Variants in TMTC1 observed in about 807,000 individuals in gnomAD.
The protein encoded by TMTC1 is protein O-mannosyl-transferase TMTC1.
A neutral mutation model predicts 104.8 loss-of-function variants in TMTC1; 73 were observed. The ratio of observed to expected loss-of-function variants is 0.70; its 90% confidence interval spans 0.58 to 0.85. TMTC1 has a LOEUF of 0.85. Ranked by LOEUF, TMTC1 falls within the 40% of genes least tolerant of loss-of-function variation. The probability of loss-of-function intolerance (pLI) is 0.00; values close to 1 mark genes in which losing one functional copy is unlikely to be tolerated. For synonymous variants in TMTC1, 434 were observed against 428.7 expected (o/e 1.01, Z -0.15); for missense variants, 1,035 against 1,096.1 (o/e 0.94, Z 0.79).
chr12:29,692,032 T>C (rs1413530418), intron 5 of TMTC1, among the ~76,000 whole-genome samples: 1 of 145,256 alleles, frequency 6.9e-6, no homozygotes, highest in Non-Finnish European at 1.5e-5. Context: ...CATGAGCACA[T>C]TGTGATATAA....
chr12:29,685,195 A>C (rs540469587), intron 5 of TMTC1, among the ~76,000 whole-genome samples: 1 of 152,194 alleles, frequency 6.6e-6, no homozygotes, highest in African/African-American at 2.4e-5. Context: ...AAATAAATTA[A>C]CCAGAGCTAT....
chr12:29,685,341 C>A (rs1381878902), intron 5 of TMTC1, among the ~76,000 whole-genome samples: 1 of 151,104 alleles, frequency 6.6e-6, no homozygotes, highest in Non-Finnish European at 1.5e-5. Flanking sequence ...GCATACTATC[C>A]TTTGTTACCA....
rs542199865 is a variant in TMTC1, at chr12:29,748,793, A to C, written c.938+2873T>G. ...GGTTTGGAAGAGCTGACAAAGTTTT[A>C]GGAATTTTACAAGTCGCTTACTTAA... On this transcript the variant is annotated intron_variant, in intron 5 of 17. Coordinates refer to ENST00000539277, the MANE Select transcript of TMTC1 (RefSeq NM_001193451.2). 3.9e-3 allele frequency among the ~76,000 whole-genome samples: 595 copies of C among 152,354 alleles called. 1 individual carries two copies. Among genetic ancestry groups the C allele is most frequent in the Non-Finnish European group, 7.6e-3 (520 of 68,040 alleles).
intron 2 of TMTC1, 96 bp downstream of exon 2, chr12:29,767,802 A>G (rs1592032152): frequency 8.6e-7 from 1 of 1,156,094 alleles, no homozygotes; most frequent in African/African-American, 1.6e-5. Context: ...ATATACACAC[A>G]TATTTACATG....
chr12:29,514,071 T>A (rs958304380), intron 16 of TMTC1, among the ~76,000 whole-genome samples: 2 of 152,102 alleles, frequency 1.3e-5, no homozygotes, highest in African/African-American at 4.8e-5. Flanking sequence ...AAAGACTGTA[T>A]CTTGGTGGAT....
chr12:29,723,984 C>T (rs1487864862), intron 5 of TMTC1, among the ~76,000 whole-genome samples: 1 of 152,072 alleles, frequency 6.6e-6, no homozygotes, highest in Non-Finnish European at 1.5e-5. Flanking sequence ...ACAATATGAA[C>T]ATTTTCATGA....
chr12:29,712,420 G>A (rs1010095871), intron 5 of TMTC1, among the ~76,000 whole-genome samples: 18 of 152,176 alleles, frequency 1.2e-4, no homozygotes, highest in Non-Finnish European at 2.4e-4. Flanking sequence ...GTCCCTTTAC[G>A]CTAAAATATT....
At chr12:29,650,251 A>G (rs549710686) in intron 5 of TMTC1, among the ~76,000 whole-genome samples, 2 of 151,898 alleles carry the variant, frequency 1.3e-5, no homozygotes, top group South Asian at 4.2e-4. Context: ...TGCCTGGCTA[A>G]TGTTTGTATT....
intron 5 of TMTC1, among the ~76,000 whole-genome samples, chr12:29,744,538 T>C (rs923108981): frequency 2.0e-5 from 3 of 152,232 alleles, no homozygotes; most frequent in African/African-American, 7.2e-5. Context: ...TGATCCACTT[T>C]AGTGCTGAGC....
In TMTC1 at chr12:29,572,199, G is replaced by A. The variant is rs756306520; in HGVS notation, c.1438C>T (p.Pro480Ser). ...SLFRSGVQTL[P>S]HNAKVHYNYA... The stretch of plus-strand genomic sequence containing the variant: ...TTGTAGTGAACCTTGGCATTGTGGG[G>A]CAGAGTTTGAACTCCAGACCTAAAA... The change falls in exon 9 of 18, where the codon CCC becomes TCC. Residue 480 changes from proline to serine, a missense_variant. Coordinates refer to ENST00000539277, the MANE Select transcript of TMTC1 (RefSeq NM_001193451.2). 2 of 1,613,812 alleles carry A rather than the reference G, an allele frequency of 1.2e-6. No homozygotes were observed. The highest frequency in any genetic ancestry group is 1.3e-5 in the African/African-American group (1 of 75,022).
At chr12:29,691,213 C>G (rs184200422) in intron 5 of TMTC1, among the ~76,000 whole-genome samples, 2 of 152,146 alleles carry the variant, frequency 1.3e-5, no homozygotes, top group African/African-American at 2.4e-5. Flanking sequence ...AAGCTCAGTG[C>G]TTGAGATATT....
At chr12:29,571,744 T>C (rs1945684607) in intron 9 of TMTC1, among the ~76,000 whole-genome samples, 2 of 152,192 alleles carry the variant, frequency 1.3e-5, no homozygotes, top group Non-Finnish European at 2.9e-5. Context: ...TAGGGCTTTC[T>C]ATATGCATAC....
intron 9 of TMTC1, among the ~76,000 whole-genome samples, chr12:29,565,960 A>G (rs1395201801): frequency 6.6e-6 from 1 of 152,226 alleles, no homozygotes. Context: ...TGCTGGGGAT[A>G]AGGACAAAGA....
chr12:29,661,261 T>TA (rs1357461033), intron 5 of TMTC1: 3 of 635,752 alleles, frequency 4.7e-6, no homozygotes, highest in East Asian at 2.8e-4. Flanking sequence ...TTGAAAACAA[T>TA]ACAGTTACAC....
At chr12:29,598,112 C>T (rs1184383860) in intron 7 of TMTC1, among the ~76,000 whole-genome samples, 1 of 152,150 alleles carries the variant, frequency 6.6e-6, no homozygotes, top group Non-Finnish European at 1.5e-5. Context: ...GACGGCTAGC[C>T]AGTGGGCGAC....
intron 10 of TMTC1, among the ~76,000 whole-genome samples, chr12:29,550,202 G>T (rs1314757788): frequency 6.6e-6 from 1 of 152,160 alleles, no homozygotes; most frequent in African/African-American, 2.4e-5. Context: ...CAAAATACAG[G>T]TAGTGAAGTA....
chr12:29,510,018 C>T (rs1407522031), intron 17 of TMTC1, among the ~76,000 whole-genome samples: 2 of 152,144 alleles, frequency 1.3e-5, no homozygotes, highest in African/African-American at 2.4e-5. Context: ...CATCTGAAAA[C>T]ATATTGAGCA....
chr12:29,546,832 G>A (rs1460926242), intron 10 of TMTC1, among the ~76,000 whole-genome samples: 3 of 152,150 alleles, frequency 2.0e-5, no homozygotes, highest in Non-Finnish European at 4.4e-5. Context: ...TGAAGCTGTT[G>A]TGTGCTATGA....
intron 17 of TMTC1, 54 bp downstream of exon 17, chr12:29,511,989 A>G (rs367903865): frequency 6.7e-7 from 1 of 1,482,138 alleles, no homozygotes; most frequent in Non-Finnish European, 9.4e-7. Context: ...GAAGACAGAG[A>G]GAGAAAACAC....
Sources: allele counts gnomAD v4.1 joint callset (sites outside exome capture counted in the v4.1 genomes callset), GRCh38; gene constraint gnomAD v4.1.1; transcripts MANE v1.5; gene names NCBI Gene and HGNC (gene_info 2026-07-23, HGNC 2026-07-21).